KSR2: variants seen among roughly 807,000 people sequenced by gnomAD.
The protein encoded by KSR2 is kinase suppressor of ras 2.
Under a neutral mutation model 107.8 loss-of-function variants are expected in KSR2, and 25 were observed. That is an observed-to-expected ratio of 0.23 (90% CI 0.17 to 0.32). The LOEUF (loss-of-function observed/expected upper bound fraction) is 0.32, where lower values mean the gene tolerates loss of function less well. Among genes scored for constraint, KSR2 ranks in the 10% least tolerant of loss-of-function variants. KSR2 has a pLI of 1.00. For synonymous variants in KSR2, 480 were observed against 507.0 expected, an observed-to-expected ratio of 0.95 and a Z score of 0.71; for missense variants, 887 against 1,268.9, an observed-to-expected ratio of 0.70 and a Z score of 4.57.
chr12:117,676,103 G>A (rs1462253731), intron 4 of KSR2, among the ~76,000 whole-genome samples: 1 of 152,150 alleles, frequency 6.6e-6, no homozygotes, highest in Non-Finnish European at 1.5e-5. Context: ...ACGAGCTCTC[G>A]GCTCAGCTGC....
intron 5 of KSR2, among the ~76,000 whole-genome samples, chr12:117,658,391 G>C (rs1378601671): frequency 6.6e-6 from 1 of 152,210 alleles, no homozygotes; most frequent in African/African-American, 2.4e-5. Flanking sequence ...ATGAAAAAAA[G>C]TGGAAGGACA....
chr12:117,945,381 T>C lies in KSR2; in HGVS notation c.180+22695A>G, dbSNP rs975333416. ...TAAGAAATGTGTTCATTGATCATAA[T>C]TGAATTAAACTGGCTGAGCGCAGTG... is the stretch of plus-strand genomic sequence containing the variant. On this transcript the variant is annotated intron_variant, in intron 1 of 19. Coordinates refer to ENST00000339824, the MANE Select transcript of KSR2 (RefSeq NM_173598.6). Among the ~76,000 whole-genome samples, 4 of 152,156 alleles carry C rather than the reference T, an allele frequency of 2.6e-5. No individual in the cohort carries two copies. The East Asian group carries it at 7.7e-4, about 29-fold the overall frequency.
At chr12:117,872,887 G>A (rs536351580) in intron 1 of KSR2, among the ~76,000 whole-genome samples, 89 of 152,274 alleles carry the variant, frequency 5.8e-4, no homozygotes, top group African/African-American at 1.9e-3. Flanking sequence ...TTTCCAAGCA[G>A]CTTCCAAAGC....
chr12:117,912,493 G>A (rs182364721), intron 1 of KSR2, among the ~76,000 whole-genome samples: 13 of 152,292 alleles, frequency 8.5e-5, no homozygotes, highest in African/African-American at 1.7e-4. Context: ...ATGGAAAACC[G>A]TAATTCTGTT....
chr12:117,542,816 A>C (rs1405571160), intron 9 of KSR2, among the ~76,000 whole-genome samples: 1 of 152,184 alleles, frequency 6.6e-6, no homozygotes, highest in Non-Finnish European at 1.5e-5. Context: ...CTATAATTTT[A>C]TCATTTCACT....
intron 5 of KSR2, among the ~76,000 whole-genome samples, chr12:117,607,640 C>T (rs1039579179): frequency 3.9e-5 from 4 of 102,134 alleles, no homozygotes; most frequent in Admixed American, 1.0e-4. Context: ...ACAGACCTCC[C>T]GGAGAGGGGA....
At chr12:117,909,414 GC>G (rs1265972933) in intron 1 of KSR2, among the ~76,000 whole-genome samples, 1 of 151,998 alleles carries the variant, frequency 6.6e-6, no homozygotes, top group Non-Finnish European at 1.5e-5. Context: ...TCCTTCCACG[GC>G]CCCCCAACTA....
chr12:117,554,489 C>A lies in KSR2; in HGVS notation c.1518+680G>T, dbSNP rs375096614. Reference sequence around the variant, plus strand: ...CCTGGAAGATGGTGTTATGGTTTGGCTGGGTCTCCACCCAAATCTCATCTT... The same window carrying A: ...CCTGGAAGATGGTGTTATGGTTTGGATGGGTCTCCACCCAAATCTCATCTT... On this transcript the variant is annotated intron_variant, in intron 9 of 19. Transcript: ENST00000339824. 2.0e-5 allele frequency among the ~76,000 whole-genome samples: 3 copies of A among 152,284 alleles called. No homozygotes were observed. The East Asian group carries it at 5.8e-4, about 29-fold the overall frequency.
chr12:117,660,550 A>G (rs1282899854), intron 5 of KSR2, among the ~76,000 whole-genome samples: 1 of 152,072 alleles, frequency 6.6e-6, no homozygotes, highest in Non-Finnish European at 1.5e-5. Context: ...GGCCCATTCT[A>G]ATGACCTCAT....
chr12:117,800,817 T>C (rs1890808196), intron 3 of KSR2, among the ~76,000 whole-genome samples: 3 of 152,084 alleles, frequency 2.0e-5, no homozygotes, highest in African/African-American at 7.2e-5. Flanking sequence ...GTTCTCATTG[T>C]TCAACTCCCA....
intron 3 of KSR2, among the ~76,000 whole-genome samples, chr12:117,768,901 G>A (rs1566004640): frequency 6.6e-6 from 1 of 152,188 alleles, no homozygotes; most frequent in Non-Finnish European, 1.5e-5. Context: ...GGACATGTGG[G>A]GTTTGGGTCT....
chr12:117,885,217 C>T (rs768227295), intron 1 of KSR2, among the ~76,000 whole-genome samples: 6 of 152,180 alleles, frequency 3.9e-5, no homozygotes, highest in Non-Finnish European at 8.8e-5. Context: ...GAATCCAGGT[C>T]TTTCCGATAG....
chr12:117,892,116 T>C (rs1040562851), intron 1 of KSR2, among the ~76,000 whole-genome samples: 3 of 152,028 alleles, frequency 2.0e-5, no homozygotes, highest in Admixed American at 6.6e-5. Context: ...CTGGCTAACA[T>C]GATGAAACCC....
At chr12:117,958,769 G>A (rs1268711480) in intron 1 of KSR2, among the ~76,000 whole-genome samples, 11 of 152,086 alleles carry the variant, frequency 7.2e-5, no homozygotes, top group South Asian at 2.1e-4. Context: ...TGTAGTGAGC[G>A]GAGATCACGC....
intron 5 of KSR2, among the ~76,000 whole-genome samples, chr12:117,660,336 G>A (rs1198174590): frequency 1.3e-5 from 2 of 152,216 alleles, no homozygotes; most frequent in African/African-American, 4.8e-5. Context: ...GATTTTCAAA[G>A]CAGGGTTGGT....
At chr12:117,835,242 G>A (rs1892153180) in intron 3 of KSR2, among the ~76,000 whole-genome samples, 2 of 152,186 alleles carry the variant, frequency 1.3e-5, no homozygotes, top group Admixed American at 1.3e-4. Context: ...ATCAGGAGCT[G>A]TTTATCTGCA....
chr12:117,914,828 G>A (rs1000469741), intron 1 of KSR2, among the ~76,000 whole-genome samples: 17 of 152,314 alleles, frequency 1.1e-4, no homozygotes, highest in Admixed American at 2.6e-4. Flanking sequence ...GAGCCACTGC[G>A]CCCAGCCAAT....
chr12:117,817,687 T>C (rs1891420976), intron 3 of KSR2, among the ~76,000 whole-genome samples: 1 of 152,194 alleles, frequency 6.6e-6, no homozygotes, highest in South Asian at 2.1e-4. Context: ...GTGCCAACAT[T>C]GATTAAAAAC....
intron 3 of KSR2, among the ~76,000 whole-genome samples, chr12:117,775,850 ATCATATGTTCTCAC>A (rs1889667315): frequency 6.6e-6 from 1 of 152,204 alleles, no homozygotes; most frequent in South Asian, 2.1e-4. Context: ...AAAACTGAAC[ATCATATGTTCTCAC>A]TCATAAGTGG....
Sources: gnomAD v4.1 joint callset for allele counts (sites outside exome capture counted in the v4.1 genomes callset) on GRCh38, gnomAD v4.1.1 for gene constraint, MANE v1.5 for transcripts, NCBI Gene and HGNC (gene_info 2026-07-23, HGNC 2026-07-21) for gene names.